The following FER1L6 variants were observed in gnomAD, a reference collection of about 807,000 sequenced individuals.
The protein encoded by FER1L6 is fer-1-like protein 6.
A neutral mutation model predicts 219.2 loss-of-function variants in FER1L6; 177 were observed. The ratio of observed to expected loss-of-function variants is 0.81; its 90% confidence interval spans 0.71 to 0.91. The LOEUF (loss-of-function observed/expected upper bound fraction) is 0.91. Ranked by LOEUF, FER1L6 falls within the 40% of genes least tolerant of loss-of-function variation. The probability of loss-of-function intolerance (pLI) is 0.00; values close to 1 mark genes in which losing one functional copy is unlikely to be tolerated. For synonymous variants in FER1L6, 768 were observed against 824.3 expected (o/e 0.93, Z 1.17); for missense variants, 2,153 against 2,259.9 (o/e 0.95, Z 0.96).
chr8:123,907,748 A>C (rs1322516709), intron 1 of FER1L6, among the ~76,000 whole-genome samples: 1 of 142,842 alleles, frequency 7.0e-6, no homozygotes, highest in East Asian at 2.2e-4. Context: ...TATTCTTCTT[A>C]TTCTGGGGAG....
At chr8:124,025,049 A>G (rs1260451329) in intron 18 of FER1L6, among the ~76,000 whole-genome samples, 1 of 149,010 alleles carries the variant, frequency 6.7e-6, no homozygotes, top group African/African-American at 2.6e-5. Flanking sequence ...TTTTTAATGG[A>G]ATTATTTTTT....
intron 1 of FER1L6, among the ~76,000 whole-genome samples, chr8:123,857,854 CTAATT>C (rs1389814524): frequency 6.6e-6 from 1 of 152,214 alleles, no homozygotes; most frequent in Admixed American, 6.5e-5. Context: ...AAAGCAGAAA[CTAATT>C]TATATGTTCA....
At chr8:124,053,930 C>T (rs1820161176) in intron 22 of FER1L6, among the ~76,000 whole-genome samples, 1 of 152,138 alleles carries the variant, frequency 6.6e-6, no homozygotes, top group Non-Finnish European at 1.5e-5. Flanking sequence ...TTTTACTTCC[C>T]TCCTCTATCC....
chr8:124,104,561 A>G (rs760631528), intron 39 of FER1L6, among the ~76,000 whole-genome samples: 127 of 152,358 alleles, frequency 8.3e-4, no homozygotes, highest in African/African-American at 2.8e-3. Context: ...TGATGAGTAC[A>G]GTATGGAGGC....
intron 1 of FER1L6, among the ~76,000 whole-genome samples, chr8:123,938,569 C>G (rs1814096503): frequency 8.5e-6 from 1 of 117,868 alleles, no homozygotes; most frequent in East Asian, 2.5e-4. Flanking sequence ...TTTTTTGAGA[C>G]AGATCCTCAT....
chr8:124,109,128 G>A (rs1395382929), intron 39 of FER1L6, among the ~76,000 whole-genome samples: 1 of 152,146 alleles, frequency 6.6e-6, no homozygotes, highest in Non-Finnish European at 1.5e-5. Flanking sequence ...TAGAAGAAAG[G>A]AGAGGAGCTC....
intron 22 of FER1L6, among the ~76,000 whole-genome samples, chr8:124,056,336 C>T (rs1820296791): frequency 6.6e-6 from 1 of 152,244 alleles, no homozygotes; most frequent in South Asian, 2.1e-4. Context: ...CGGTTGTGCA[C>T]TGTGCAGCCT....
At chr8:123,949,863 A>G (rs919777631) in intron 1 of FER1L6, among the ~76,000 whole-genome samples, 2 of 152,314 alleles carry the variant, frequency 1.3e-5, no homozygotes, top group South Asian at 2.1e-4. Context: ...ATCAAGCAAT[A>G]TATGGGAGGA....
At chr8:123,859,973 T>C (rs1465606717) in intron 1 of FER1L6, among the ~76,000 whole-genome samples, 2 of 126,614 alleles carry the variant, frequency 1.6e-5, no homozygotes, top group Non-Finnish European at 3.6e-5. Flanking sequence ...ATTATTACTA[T>C]TATTATTATT....
At chr8:123,907,781 A>G (rs969316261) in intron 1 of FER1L6, among the ~76,000 whole-genome samples, 4 of 48,662 alleles carry the variant, frequency 8.2e-5, no homozygotes, top group African/African-American at 2.5e-4. Context: ...TTTCTCCTCA[A>G]TACTGAGCAT....
intron 31 of FER1L6, among the ~76,000 whole-genome samples, chr8:124,072,972 G>C (rs758355565): frequency 2.6e-5 from 4 of 152,186 alleles, no homozygotes; most frequent in African/African-American, 4.8e-5. Flanking sequence ...AAGCTCATTA[G>C]CACATTCAAG....
At chr8:123,931,357 A>T (rs1179220948) in intron 1 of FER1L6, among the ~76,000 whole-genome samples, 1 of 152,156 alleles carries the variant, frequency 6.6e-6, no homozygotes, top group African/African-American at 2.4e-5. Context: ...TCTTTGTGGG[A>T]TCAAGGAGGG....
chr8:124,110,538 A>G (rs1822979141), intron 39 of FER1L6, among the ~76,000 whole-genome samples: 1 of 152,168 alleles, frequency 6.6e-6, no homozygotes, highest in African/African-American at 2.4e-5. Context: ...TGGGGGAAAT[A>G]CAATTTAAAA....
At chr8:123,877,237 A>G (rs1361234920) in intron 1 of FER1L6, among the ~76,000 whole-genome samples, 1 of 152,224 alleles carries the variant, frequency 6.6e-6, no homozygotes, top group African/African-American at 2.4e-5. Flanking sequence ...ATTATTGCTG[A>G]TTCATCAGAT....
At chr8:124,089,001 G>T (rs1821903410) in intron 33 of FER1L6, among the ~76,000 whole-genome samples, 1 of 152,120 alleles carries the variant, frequency 6.6e-6, no homozygotes, top group South Asian at 2.1e-4. Flanking sequence ...TGCCCCAGCT[G>T]GTATTTCACT....
chr8:123,914,889 C>A (rs58515277), intron 1 of FER1L6, among the ~76,000 whole-genome samples: 49,964 of 151,858 alleles, frequency 0.33, 8,701 homozygotes, highest in East Asian at 0.45. Context: ...TGAGTAAATA[C>A]ATCTTCACTC....
chr8:123,935,722 T>C (rs1197088169), intron 1 of FER1L6, among the ~76,000 whole-genome samples: 1 of 152,134 alleles, frequency 6.6e-6, no homozygotes, highest in Non-Finnish European at 1.5e-5. Context: ...AGAAAGCATA[T>C]GGTAATTAAA....
At chr8:123,936,450 T>C (rs563154041) in intron 1 of FER1L6, among the ~76,000 whole-genome samples, 2 of 147,508 alleles carry the variant, frequency 1.4e-5, no homozygotes, top group South Asian at 4.4e-4. Context: ...AGATAAAAGA[T>C]AATTGCAGCC....
chr8:123,930,049 C>T (rs1813711499), intron 1 of FER1L6, among the ~76,000 whole-genome samples: 1 of 150,356 alleles, frequency 6.7e-6, no homozygotes, highest in Non-Finnish European at 1.5e-5. Context: ...TTGTAAAAAA[C>T]AATACAGACA....
Sources: gnomAD v4.1 joint callset for allele counts (sites outside exome capture counted in the v4.1 genomes callset) on GRCh38, gnomAD v4.1.1 for gene constraint, MANE v1.5 for transcripts, NCBI Gene and HGNC (gene_info 2026-07-23, HGNC 2026-07-21) for gene names.